Variants in WDR33 observed in about 807,000 individuals in gnomAD.
WDR33 encodes the protein WD repeat domain 33, also known as pre-mRNA 3' end processing protein WDR33.
A neutral mutation model predicts 164.9 loss-of-function variants in WDR33; 47 were observed. The observed-to-expected ratio is 0.29, with a 90% CI of 0.23 to 0.36. The LOEUF (loss-of-function observed/expected upper bound fraction) is 0.36. Among genes scored for constraint, WDR33 ranks in the 10% least tolerant of loss-of-function variants. The pLI is 1.00. For missense variants in WDR33, 1,137 were observed against 1,754.1 expected (o/e 0.65, Z 6.28); for synonymous variants, 505 against 589.0 (o/e 0.86, Z 2.06).
At position 127,703,434 on chromosome 2, in the gene WDR33, G is replaced by A. The variant is rs1029364864; in HGVS notation, c.*2889C>T. ...GTGTTGCCTTAACAGGGTGTCTGTC[G>A]TGCCGCAGTAGAGCACTGCTGCTTC... is the stretch of plus-strand genomic sequence containing the variant. On this transcript the variant is annotated 3_prime_UTR_variant, in exon 22 of 22. Transcript: ENST00000322313. 6.0e-6 allele frequency: 1 copy of A among 167,026 alleles called. No individual in the cohort carries two copies. The highest frequency in any genetic ancestry group is 1.5e-5 in the Non-Finnish European group (1 of 68,116). 10.3% of individuals were successfully genotyped at this position (167,026 alleles called of 1,614,324 possible). A position where few individuals can be genotyped will look rare whatever the true frequency, so the allele number is the denominator to read the frequency against.
In WDR33 at chr2:127,764,319, C is replaced by T; in HGVS notation, c.626+509G>A. 7.4e-7 allele frequency: 1 copy of T among 1,344,544 alleles called. No individual in the cohort carries two copies. Among genetic ancestry groups the T allele is most frequent in the Non-Finnish European group, 9.5e-7 (1 of 1,047,928 alleles). The allele number at this position is 1,344,544 out of a possible 1,614,324, so 83.3% of individuals were successfully genotyped here. Reference sequence around the variant, plus strand: ...CATTCATTACTCCGTTAATGTTTGCCACATCCAGTTATCTGTGAGGGTTTT... The same window carrying T: ...CATTCATTACTCCGTTAATGTTTGCTACATCCAGTTATCTGTGAGGGTTTT... On this transcript the variant is annotated intron_variant, in intron 6 of 21. Coordinates refer to ENST00000322313, the MANE Select transcript of WDR33 (RefSeq NM_018383.5). This position sits in a 1 kb window ranked among gnomAD's most constrained non-coding sequence, Gnocchi z 6.2.
intron 1 of WDR33, among the ~76,000 whole-genome samples, chr2:127,810,292 T>G (rs1689603544): frequency 6.6e-6 from 1 of 152,198 alleles, no homozygotes; most frequent in Non-Finnish European, 1.5e-5. Context: ...CTGATTTGAT[T>G]TAAATAGATC....
rs1686505955 is a variant in WDR33 at position 127,724,069 on chromosome 2, T to C, written c.1196+264A>G. On this transcript the variant is annotated intron_variant, in intron 11 of 21. Transcript: ENST00000322313. The surrounding 1 kb of genome is among the most constrained non-coding windows in gnomAD (Gnocchi z 4.8). ...CGCCAGCCTGGACAGAGACCCTGTC[T>C]CAAATAAATAAATAAATAAATAAAT... is the stretch of plus-strand genomic sequence containing the variant. Among the ~76,000 whole-genome samples, 1 of 132,938 alleles carries C rather than the reference T, an allele frequency of 7.5e-6. No homozygotes were observed. The highest frequency in any genetic ancestry group is 7.2e-5 in the Admixed American group (1 of 13,918). 87.2% of individuals were successfully genotyped at this position (132,938 alleles called of 152,430 possible). A position where few individuals can be genotyped will look rare whatever the true frequency, so the allele number is the denominator to read the frequency against.
intron 7 of WDR33, among the ~76,000 whole-genome samples, chr2:127,749,006 A>T (rs909521075): frequency 1.3e-5 from 2 of 152,186 alleles, no homozygotes; most frequent in Non-Finnish European, 2.9e-5. Context: ...AAAGATTTTT[A>T]AAATTTCTAT....
intron 1 of WDR33, among the ~76,000 whole-genome samples, chr2:127,808,665 C>A (rs552582515): frequency 6.6e-6 from 1 of 151,372 alleles, no homozygotes; most frequent in Admixed American, 6.6e-5. Flanking sequence ...GAGGCCCAGA[C>A]AGGTGGATCA....
At chr2:127,730,179 G>A (rs1218727169) in intron 7 of WDR33, among the ~76,000 whole-genome samples, 4 of 152,120 alleles carry the variant, frequency 2.6e-5, no homozygotes, top group African/African-American at 9.7e-5. Context: ...AAACTTACTT[G>A]ATAACAGTGG....
chr2:127,785,349 G>A (rs1243099404), intron 1 of WDR33, among the ~76,000 whole-genome samples: 7 of 152,206 alleles, frequency 4.6e-5, no homozygotes, highest in South Asian at 2.1e-4. Flanking sequence ...GTACACATAC[G>A]TATGTATTAG....
chr2:127,776,753 A>C (rs1688196333), intron 1 of WDR33, among the ~76,000 whole-genome samples: 1 of 152,232 alleles, frequency 6.6e-6, no homozygotes, highest in Non-Finnish European at 1.5e-5. Flanking sequence ...CTGAGAGCAG[A>C]AAACTTGACA....
intron 1 of WDR33, among the ~76,000 whole-genome samples, chr2:127,781,529 T>G (rs1160842152): frequency 6.6e-6 from 1 of 152,228 alleles, no homozygotes; most frequent in Non-Finnish European, 1.5e-5. Flanking sequence ...TGTGACAATG[T>G]ACTACAGTTT....
In WDR33 at chr2:127,770,405, C is replaced by A. The variant is rs1271061747; in HGVS notation, c.204+373G>T. Among the ~76,000 whole-genome samples the A allele has an allele frequency of 1.3e-5, 2 of 152,042 alleles. No homozygotes were observed. Among genetic ancestry groups the A allele is most frequent in the Non-Finnish European group, 1.5e-5 (1 of 68,004 alleles). ...TAGAAAATCATCTTCTTTTAAATAA[C>A]CAGGCCGGGCGCAGTGGCTCATGCC... On this transcript the variant is annotated intron_variant, in intron 2 of 21. Transcript: ENST00000322313. The surrounding 1 kb of genome is among the most constrained non-coding windows in gnomAD (Gnocchi z 4.9).
chr2:127,749,856 G>C (rs1179556193), intron 7 of WDR33, among the ~76,000 whole-genome samples: 1 of 143,202 alleles, frequency 7.0e-6, no homozygotes, highest in Non-Finnish European at 1.5e-5. Flanking sequence ...TTTTTTTTGA[G>C]ACGGAGTCTC....
chr2:127,747,076 A>T (rs190352158), intron 7 of WDR33, among the ~76,000 whole-genome samples: 45 of 151,592 alleles, frequency 3.0e-4, no homozygotes, highest in African/African-American at 1.0e-3. Flanking sequence ...ATTTAGTTTC[A>T]AAATACAAAG....
chr2:127,715,094 T>C (rs957940001), intron 17 of WDR33, among the ~76,000 whole-genome samples: 32 of 144,978 alleles, frequency 2.2e-4, no homozygotes, highest in Non-Finnish European at 3.5e-4. Context: ...GTTTCTTTTT[T>C]TTTTTTTTTT....
At position 127,723,225 on chromosome 2, in the gene WDR33, A is replaced by G. The variant is rs777478756; in HGVS notation, c.1291+28T>C. The G allele has an allele frequency of 1.3e-6, 2 of 1,592,744 alleles. No individual in the cohort carries two copies. Among genetic ancestry groups the G allele is most frequent in the Non-Finnish European group, 1.7e-6 (2 of 1,166,536 alleles). On this transcript the variant is annotated intron_variant, in intron 12 of 21. Coordinates refer to ENST00000322313, the MANE Select transcript of WDR33 (RefSeq NM_018383.5). This position sits in a 1 kb window ranked among gnomAD's most constrained non-coding sequence, Gnocchi z 5.9. Reference sequence around the variant, plus strand: ...TTCTGTAATAGAATACCAGATTTCAAAGAAGGACAGATGTGCAAGAGTCTC... The same window carrying G: ...TTCTGTAATAGAATACCAGATTTCAGAGAAGGACAGATGTGCAAGAGTCTC...
At chr2:127,787,934 C>T (rs1688656740) in intron 1 of WDR33, among the ~76,000 whole-genome samples, 2 of 53,540 alleles carry the variant, frequency 3.7e-5, no homozygotes, top group Non-Finnish European at 3.6e-5. Context: ...GCTGGCCGGG[C>T]AGAGGGGCTC....
At chr2:127,740,317 C>A (rs1452071944) in intron 7 of WDR33, among the ~76,000 whole-genome samples, 3 of 152,016 alleles carry the variant, frequency 2.0e-5, no homozygotes, top group Non-Finnish European at 4.4e-5. Context: ...CCTATAATCC[C>A]AGCACTTTGG....
At chr2:127,731,570 T>C (rs954460636) in intron 7 of WDR33, among the ~76,000 whole-genome samples, 3 of 152,156 alleles carry the variant, frequency 2.0e-5, no homozygotes. Flanking sequence ...CTTGTTTGAA[T>C]TGCCAAAACT....
At chr2:127,771,677 C>A (rs1688007524) in intron 1 of WDR33, among the ~76,000 whole-genome samples, 2 of 151,712 alleles carry the variant, frequency 1.3e-5, no homozygotes, top group African/African-American at 4.8e-5. Flanking sequence ...ATTTGGGAGG[C>A]TGAGACAGGA....
intron 7 of WDR33, among the ~76,000 whole-genome samples, chr2:127,761,655 A>G (rs773559588): frequency 2.0e-5 from 3 of 152,206 alleles, no homozygotes; most frequent in Non-Finnish European, 2.9e-5. Flanking sequence ...CTGGGAGTCA[A>G]ATGATAAGAT....
Sources: gnomAD v4.1 joint callset for allele counts (sites outside exome capture counted in the v4.1 genomes callset) on GRCh38, gnomAD v4.1.1 for gene constraint, Gnocchi (gnomAD v3.1) non-coding constraint, MANE v1.5 for transcripts, NCBI Gene and HGNC (gene_info 2026-07-23, HGNC 2026-07-21) for gene names.